The following CACNA2D3 variants were observed in gnomAD, a reference collection of about 807,000 sequenced individuals.
The protein encoded by CACNA2D3 is calcium voltage-gated channel auxiliary subunit alpha2delta 3, also known as voltage-dependent calcium channel subunit alpha-2/delta-3.
In CACNA2D3, 60 loss-of-function variants were observed where a neutral mutation model predicts 160.6. The ratio of observed to expected loss-of-function variants is 0.37; its 90% confidence interval spans 0.30 to 0.46. The LOEUF is 0.46. Among genes scored for constraint, CACNA2D3 ranks in the 20% least tolerant of loss-of-function variants. The pLI is 1.00. For missense variants in CACNA2D3, 1,205 were observed against 1,365.0 expected (o/e 0.88, Z 1.85); for synonymous variants, 558 against 492.9 (o/e 1.13, Z -1.75).
intron 12 of CACNA2D3, among the ~76,000 whole-genome samples, chr3:54,758,524 AG>A (rs1183142358): frequency 6.6e-6 from 1 of 152,144 alleles, no homozygotes; most frequent in East Asian, 1.9e-4. Flanking sequence ...GAAGACAGGG[AG>A]GTAGGAAGCT....
intron 27 of CACNA2D3, among the ~76,000 whole-genome samples, chr3:54,955,175 A>G (rs1256969320): frequency 2.0e-5 from 3 of 152,194 alleles, no homozygotes; most frequent in African/African-American, 4.8e-5. Context: ...TACATACTGT[A>G]TATACATTTT....
At chr3:54,686,016 G>T (rs1700442912) in intron 11 of CACNA2D3, among the ~76,000 whole-genome samples, 1 of 152,224 alleles carries the variant, frequency 6.6e-6, no homozygotes. Flanking sequence ...GGCTTTTACA[G>T]AAATACTTTT....
chr3:54,672,683 AG>A (rs1700181024), intron 11 of CACNA2D3, among the ~76,000 whole-genome samples: 1 of 152,264 alleles, frequency 6.6e-6, no homozygotes, highest in African/African-American at 2.4e-5. Flanking sequence ...GGCTTTGCCA[AG>A]ATGTCAGCTA....
At chr3:54,277,225 T>A (rs1702768006) in intron 2 of CACNA2D3, among the ~76,000 whole-genome samples, 1 of 152,262 alleles carries the variant, frequency 6.6e-6, no homozygotes, top group Admixed American at 6.5e-5. Flanking sequence ...TGAATGATAT[T>A]GCCTAGGTTT....
At chr3:54,890,464 C>T (rs1244584212) in intron 24 of CACNA2D3, among the ~76,000 whole-genome samples, 26 of 146,172 alleles carry the variant, frequency 1.8e-4, no homozygotes. Flanking sequence ...CCATTGCACT[C>T]CAGCCTGGGT....
intron 17 of CACNA2D3, among the ~76,000 whole-genome samples, chr3:54,855,454 A>T (rs1009734308): frequency 6.6e-6 from 1 of 152,184 alleles, no homozygotes; most frequent in Non-Finnish European, 1.5e-5. Flanking sequence ...TTGCCAGCTC[A>T]TGTATACCAC....
intron 35 of CACNA2D3, among the ~76,000 whole-genome samples, chr3:55,065,025 G>C (rs1259511943): frequency 6.6e-6 from 1 of 152,196 alleles, no homozygotes; most frequent in Non-Finnish European, 1.5e-5. Context: ...ACAGAGGAGA[G>C]TGAGCCTCCT....
intron 4 of CACNA2D3, among the ~76,000 whole-genome samples, chr3:54,423,656 G>A (rs1488261521): frequency 1.3e-5 from 2 of 152,170 alleles, no homozygotes; most frequent in Non-Finnish European, 2.9e-5. Flanking sequence ...AGTGGACTCT[G>A]TACATAGGCC....
In CACNA2D3 at chr3:54,527,285, TA is replaced by T. The variant is rs1281696102; in HGVS notation, c.544+23632del. The stretch of plus-strand genomic sequence containing the variant: ...GAGTGTCCTTAGGCTTGAACTTATC[TA>T]CACTCAATTGCAACTGAAGTCAGTT... On this transcript the variant is annotated intron_variant, in intron 5 of 37. Coordinates refer to ENST00000474759, the MANE Select transcript of CACNA2D3 (RefSeq NM_018398.3). 2.0e-5 allele frequency among the ~76,000 whole-genome samples: 3 copies of T among 152,244 alleles called. No individual in the cohort carries two copies. The East Asian group carries it at 5.8e-4, about 29-fold the overall frequency.
chr3:54,928,068 C>T (rs568098017), intron 27 of CACNA2D3: 5 of 682,796 alleles, frequency 7.3e-6, no homozygotes, highest in Non-Finnish European at 1.0e-5. Flanking sequence ...ACAGTTGTTG[C>T]TTTCAAAAGA....
At chr3:54,796,543 C>T (rs1702870171) in intron 13 of CACNA2D3, among the ~76,000 whole-genome samples, 1 of 152,170 alleles carries the variant, frequency 6.6e-6, no homozygotes, top group African/African-American at 2.4e-5. Context: ...AAGGTAAAAA[C>T]AATATGTAAG....
chr3:54,285,744 G>T (rs1414611903), intron 2 of CACNA2D3, among the ~76,000 whole-genome samples: 1 of 152,180 alleles, frequency 6.6e-6, no homozygotes, highest in Non-Finnish European at 1.5e-5. Context: ...TCCAGAGGAA[G>T]ATCAGGCAGC....
intron 2 of CACNA2D3, among the ~76,000 whole-genome samples, chr3:54,198,737 C>T (rs1701124570): frequency 6.6e-6 from 1 of 152,254 alleles, no homozygotes; most frequent in Non-Finnish European, 1.5e-5. Context: ...GGGGTTACTG[C>T]CTCTCTGGGT....
intron 4 of CACNA2D3, among the ~76,000 whole-genome samples, chr3:54,453,185 G>T (rs910497449): frequency 1.3e-5 from 2 of 152,016 alleles, no homozygotes; most frequent in Non-Finnish European, 2.9e-5. Flanking sequence ...TACAGATGAG[G>T]TCTTTCTGTG....
intron 2 of CACNA2D3, among the ~76,000 whole-genome samples, chr3:54,292,416 T>C (rs1703231149): frequency 6.6e-6 from 1 of 152,148 alleles, no homozygotes; most frequent in Non-Finnish European, 1.5e-5. Flanking sequence ...AGAAAATATT[T>C]AGAAATTATA....
rs137922033 is a variant in CACNA2D3, at chr3:54,178,587, G to A, written c.204+54993G>A. 2.2e-3 allele frequency among the ~76,000 whole-genome samples: 330 copies of A among 152,316 alleles called. 2 individuals carry two copies. The highest frequency in any genetic ancestry group is 4.1e-3 in the Non-Finnish European group (277 of 68,034). ...GAGCTGTGCTTTGCTGTTTCTGAGG[G>A]CTGTCTTGGTTGTTTGCCTGGAAAT... On this transcript the variant is annotated intron_variant, in intron 2 of 37. Transcript: ENST00000474759.
intron 11 of CACNA2D3, among the ~76,000 whole-genome samples, chr3:54,720,110 C>T (rs1347937728): frequency 4.0e-5 from 6 of 151,850 alleles, no homozygotes; most frequent in Admixed American, 3.9e-4. Context: ...CATTGTACAT[C>T]TGTTTGCTGT....
intron 13 of CACNA2D3, among the ~76,000 whole-genome samples, chr3:54,772,461 A>G (rs1702337893): frequency 6.6e-6 from 1 of 151,918 alleles, no homozygotes; most frequent in Non-Finnish European, 1.5e-5. Context: ...GTTCTTGCAC[A>G]TGAGAGCCAA....
intron 2 of CACNA2D3, among the ~76,000 whole-genome samples, chr3:54,232,671 G>T (rs1701796624): frequency 6.6e-6 from 1 of 152,092 alleles, no homozygotes; most frequent in African/African-American, 2.4e-5. Context: ...TTCCCTGTGT[G>T]GCTCTTTGTA....
Sources: allele counts gnomAD v4.1 joint callset (sites outside exome capture counted in the v4.1 genomes callset), GRCh38; gene constraint gnomAD v4.1.1; transcripts MANE v1.5; gene names NCBI Gene and HGNC (gene_info 2026-07-23, HGNC 2026-07-21).